The following WIPF1 variants were observed in gnomAD, a reference collection of about 807,000 sequenced individuals.
WIPF1 encodes WAS/WASL interacting protein family member 1.
WIPF1 carries 13 observed loss-of-function variants against 35.4 expected under a neutral mutation model. The ratio of observed to expected loss-of-function variants is 0.37; its 90% confidence interval spans 0.24 to 0.58. The LOEUF is 0.58. WIPF1 is among the 20% of genes least tolerant of loss of function. WIPF1 has a pLI of 0.74. For synonymous variants in WIPF1, 267 were observed against 266.3 expected, an observed-to-expected ratio of 1.00 and a Z score of -0.02; for missense variants, 591 against 667.0, an observed-to-expected ratio of 0.89 and a Z score of 1.25.
rs896685518 is a variant in WIPF1 at position 174,560,944 on chromosome 2, A to G, written c.*1603T>C. On this transcript the variant is annotated 3_prime_UTR_variant, in exon 8 of 8. Transcript: ENST00000679041. ...GAATAACATACTGAAACCATGATAC[A>G]ATGTTTAGGTAGATATACATATACA... The G allele has an allele frequency of 3.3e-5, 5 of 152,634 alleles. No individual in the cohort carries two copies. The highest frequency in any genetic ancestry group is 6.5e-5 in the Admixed American group (1 of 15,284). 9.5% of individuals were successfully genotyped at this position (152,634 alleles called of 1,614,324 possible). A position where few individuals can be genotyped will look rare whatever the true frequency, so the allele number is the denominator to read the frequency against.
intron 1 of WIPF1, among the ~76,000 whole-genome samples, chr2:174,658,685 T>C (rs1265295731): frequency 2.6e-5 from 4 of 151,582 alleles, no homozygotes; most frequent in Admixed American, 6.6e-5. Context: ...GGTAAAACAG[T>C]GTGAGGCAGC....
intron 6 of WIPF1, 79 bp downstream of exon 6, chr2:174,567,782 A>G (rs537157130): frequency 6.9e-7 from 1 of 1,457,628 alleles, no homozygotes; most frequent in African/African-American, 1.4e-5. Context: ...ATTAAACGCA[A>G]ACAAGCAAAC....
chr2:174,626,878 A>C (rs1003845332), intron 1 of WIPF1, among the ~76,000 whole-genome samples: 1 of 152,288 alleles, frequency 6.6e-6, no homozygotes, highest in Middle Eastern at 3.4e-3. Context: ...GGAGCTGTTA[A>C]ATTTAAAGTC....
chr2:174,570,221 C>T (rs925576067), intron 5 of WIPF1, among the ~76,000 whole-genome samples: 1 of 152,048 alleles, frequency 6.6e-6, no homozygotes, highest in Admixed American at 6.6e-5. Context: ...ATAATCATAT[C>T]AGCAAACATT....
Position 174,571,555 on chromosome 2 carries a change from AG to A in WIPF1, c.1129+120del, listed in dbSNP as rs764251485. On this transcript the variant is annotated intron_variant, in intron 5 of 7. Coordinates refer to ENST00000679041, the MANE Select transcript of WIPF1 (RefSeq NM_001375834.1). The surrounding 1 kb of genome is among the most constrained non-coding windows in gnomAD (Gnocchi z 4.6). ...TCACACGTGTCGTGTGCCACTTAAAAGCACAAAGCAGTCTGAGTTTACTTAT... is the reference window on the plus strand; with the variant it reads ...TCACACGTGTCGTGTGCCACTTAAAACACAAAGCAGTCTGAGTTTACTTAT... 5.8e-5 allele frequency: 80 copies of A among 1,382,080 alleles called. No homozygotes were observed. In the East Asian group the frequency reaches 1.3e-3, roughly 22 times the overall value. 85.6% of individuals were successfully genotyped at this position (1,382,080 alleles called of 1,614,324 possible). A position where few individuals can be genotyped will look rare whatever the true frequency, so the allele number is the denominator to read the frequency against.
chr2:174,621,103 T>C (rs1686660044), intron 1 of WIPF1, among the ~76,000 whole-genome samples: 1 of 152,186 alleles, frequency 6.6e-6, no homozygotes, highest in Admixed American at 6.5e-5. Context: ...CTCATTCTAA[T>C]GGCAGTACGG....
intron 1 of WIPF1, among the ~76,000 whole-genome samples, chr2:174,678,625 TCTA>T (rs1197891103): frequency 6.6e-6 from 1 of 152,276 alleles, no homozygotes; most frequent in Non-Finnish European, 1.5e-5. Context: ...TGCAATCTAA[TCTA>T]CTGTCATCTC....
chr2:174,663,269 C>T (rs979342194), intron 1 of WIPF1, among the ~76,000 whole-genome samples: 2 of 152,144 alleles, frequency 1.3e-5, no homozygotes, highest in Non-Finnish European at 2.9e-5. Flanking sequence ...CAGATAACTG[C>T]GACCCAAACC....
intron 1 of WIPF1, among the ~76,000 whole-genome samples, chr2:174,662,259 T>C (rs977437958): frequency 6.6e-6 from 1 of 152,198 alleles, no homozygotes; most frequent in African/African-American, 2.4e-5. Flanking sequence ...ATAATGACTA[T>C]AGAATGTCCA....
rs988785400 is a variant in WIPF1, at chr2:174,575,466, C to T, written c.182-86G>A. The T allele has an allele frequency of 4.5e-5, 65 of 1,453,338 alleles. 1 individual carries two copies. The highest frequency in any genetic ancestry group is 2.7e-4 in the South Asian group (18 of 66,866). 90.0% of individuals were successfully genotyped at this position (1,453,338 alleles called of 1,614,324 possible). Reference sequence around the variant, plus strand: ...AACAACAGTACAACAGGGAGCTGGCCGGCTCTCGGCCTCCAGTGGACAACT... The same window carrying T: ...AACAACAGTACAACAGGGAGCTGGCTGGCTCTCGGCCTCCAGTGGACAACT... On this transcript the variant is annotated intron_variant, in intron 3 of 7. Coordinates refer to ENST00000679041, the MANE Select transcript of WIPF1 (RefSeq NM_001375834.1).
At chr2:174,606,479 G>C (rs1442165441) in intron 1 of WIPF1, among the ~76,000 whole-genome samples, 2 of 152,030 alleles carry the variant, frequency 1.3e-5, no homozygotes, top group Non-Finnish European at 2.9e-5. Flanking sequence ...TACCACACTG[G>C]GCAACACAAC....
chr2:174,575,264 G>A lies in WIPF1; in HGVS notation c.298C>T (p.Leu100=). The A allele has an allele frequency of 6.2e-7, 1 of 1,613,888 alleles. No homozygotes were observed. The change falls in exon 4 of 8, where the codon CTG becomes TTG. Residue 100 remains leucine (L), a synonymous_variant. Transcript: ENST00000679041. The part of the protein sequence containing the change: ...GSFGGGGPPG[L]GGLFQAGMPK... ...ATTCCAGCCTGGAACAATCCTCCCA[G>A]ACCTGGAGGTCCGCCCCCTCCAAAA...
chr2:174,633,081 G>A (rs1687076910), intron 1 of WIPF1, among the ~76,000 whole-genome samples: 1 of 152,264 alleles, frequency 6.6e-6, no homozygotes, highest in South Asian at 2.1e-4. Flanking sequence ...AATGTGGGCT[G>A]GCTCTGTCAG....
chr2:174,655,477 C>T (rs1459265568), intron 1 of WIPF1: 2 of 152,192 alleles, frequency 1.3e-5, no homozygotes. Context: ...ATTCTCATGC[C>T]TTTTATTTTG....
At chr2:174,619,377 G>A (rs939889905) in intron 1 of WIPF1, among the ~76,000 whole-genome samples, 1 of 152,046 alleles carries the variant, frequency 6.6e-6, no homozygotes, top group Non-Finnish European at 1.5e-5. Flanking sequence ...CCAGGAGGAC[G>A]ACGTTGCAGT....
intron 1 of WIPF1, among the ~76,000 whole-genome samples, chr2:174,647,062 G>A (rs1344553273): frequency 6.6e-6 from 1 of 152,170 alleles, no homozygotes; most frequent in Non-Finnish European, 1.5e-5. Context: ...TGAGCCTGGA[G>A]GTGGTGAAGC....
intron 1 of WIPF1, among the ~76,000 whole-genome samples, chr2:174,662,100 T>C (rs1687772276): frequency 6.6e-6 from 1 of 152,194 alleles, no homozygotes; most frequent in East Asian, 1.9e-4. Context: ...ATCAAAATCC[T>C]TGGGTGTTCA....
chr2:174,624,036 A>G (rs1686751411), intron 1 of WIPF1, among the ~76,000 whole-genome samples: 1 of 152,212 alleles, frequency 6.6e-6, no homozygotes, highest in South Asian at 2.1e-4. Context: ...AAAAGAAAAA[A>G]AAAACATGTG....
upstream of WIPF1, among the ~76,000 whole-genome samples, chr2:174,602,461 A>G (rs948585841): frequency 4.6e-5 from 7 of 152,344 alleles, no homozygotes; most frequent in Admixed American, 3.9e-4. Flanking sequence ...AAGGTGTTTT[A>G]TAATACTGCA....
Sources: gnomAD v4.1 joint callset for allele counts (sites outside exome capture counted in the v4.1 genomes callset) on GRCh38, gnomAD v4.1.1 for gene constraint, Gnocchi (gnomAD v3.1) non-coding constraint, MANE v1.5 for transcripts, NCBI Gene and HGNC (gene_info 2026-07-23, HGNC 2026-07-21) for gene names.